Variants in KHDRBS2 observed in about 807,000 individuals in gnomAD.
KHDRBS2 encodes the protein KH domain-containing, RNA-binding, signal transduction-associated protein 2.
Under a neutral mutation model 44.3 loss-of-function variants are expected in KHDRBS2, and 26 were observed. The ratio of observed to expected loss-of-function variants is 0.59; its 90% CI spans 0.43 to 0.81. KHDRBS2 has a LOEUF of 0.81. Ranked by LOEUF, KHDRBS2 falls within the 40% of genes least tolerant of loss-of-function variation. The probability of loss-of-function intolerance (pLI) is 0.00; values close to 1 mark genes in which losing one functional copy is unlikely to be tolerated. For missense variants in KHDRBS2, 476 were observed against 433.1 expected (o/e 1.10, Z -0.88); for synonymous variants, 194 against 151.1 (o/e 1.28, Z -2.08).
chr6:62,064,892 G>A (rs1332824208), intron 2 of KHDRBS2, among the ~76,000 whole-genome samples: 1 of 149,332 alleles, frequency 6.7e-6, no homozygotes, highest in African/African-American at 2.5e-5. Flanking sequence ...TCTGACAAAG[G>A]GCTAATATCC....
chr6:61,546,771 C>A, the KHDRBS2 span, among the ~76,000 whole-genome samples: 1 of 152,106 alleles, frequency 6.6e-6, no homozygotes, highest in Non-Finnish European at 1.5e-5. Context: ...AGTTCAAATA[C>A]CAGCACTCAC....
At chr6:61,595,791 A>G in the KHDRBS2 span, among the ~76,000 whole-genome samples, 1 of 151,798 alleles carries the variant, frequency 6.6e-6, no homozygotes, top group Non-Finnish European at 1.5e-5. Flanking sequence ...ATAAACAAAC[A>G]TATTAATAAC....
intron 4 of KHDRBS2, among the ~76,000 whole-genome samples, chr6:61,963,933 A>G (rs1221417787): frequency 6.6e-6 from 1 of 152,096 alleles, no homozygotes; most frequent in Admixed American, 6.6e-5. Context: ...TAAAGTTTAA[A>G]GGAGCTTTTC....
intron 1 of KHDRBS2, among the ~76,000 whole-genome samples, chr6:62,179,812 A>G (rs1310427255): frequency 6.6e-6 from 1 of 151,836 alleles, no homozygotes; most frequent in Non-Finnish European, 1.5e-5. Context: ...ATGAAATATC[A>G]TTTCCACTGC....
chr6:61,804,947 T>C (rs929851997), intron 6 of KHDRBS2, among the ~76,000 whole-genome samples: 5 of 152,160 alleles, frequency 3.3e-5, no homozygotes, highest in African/African-American at 1.2e-4. Context: ...TGGCTCCTCA[T>C]CCCATATACA....
At chr6:62,170,117 A>G (rs1258453832) in intron 2 of KHDRBS2, among the ~76,000 whole-genome samples, 2 of 151,932 alleles carry the variant, frequency 1.3e-5, no homozygotes, top group East Asian at 3.9e-4. Context: ...GGAAGGCACA[A>G]TCGTGTTCCC....
At chr6:62,074,492 C>T (rs1795936755) in intron 2 of KHDRBS2, among the ~76,000 whole-genome samples, 1 of 151,890 alleles carries the variant, frequency 6.6e-6, no homozygotes. Flanking sequence ...CCTCTCATGT[C>T]TGGCTTTTGA....
At chr6:61,785,359 A>T (rs1783641405) in intron 6 of KHDRBS2, among the ~76,000 whole-genome samples, 1 of 152,136 alleles carries the variant, frequency 6.6e-6, no homozygotes, top group Non-Finnish European at 1.5e-5. Flanking sequence ...TAATATTCCT[A>T]TTTTTTGTAA....
At chr6:62,136,282 T>G (rs1278852378) in intron 2 of KHDRBS2, among the ~76,000 whole-genome samples, 4 of 152,172 alleles carry the variant, frequency 2.6e-5, no homozygotes, top group Admixed American at 6.5e-5. Flanking sequence ...GTTTGTCCAC[T>G]CTTGGTCTAA....
intron 6 of KHDRBS2, among the ~76,000 whole-genome samples, chr6:61,879,900 T>C (rs1035587165): frequency 6.6e-6 from 1 of 151,864 alleles, no homozygotes; most frequent in African/African-American, 2.4e-5. Context: ...ATGTGAAAAT[T>C]TGAAATGTTA....
chr6:61,789,662 C>G (rs567077234), intron 6 of KHDRBS2, among the ~76,000 whole-genome samples: 11 of 151,290 alleles, frequency 7.3e-5, no homozygotes, highest in Non-Finnish European at 1.0e-4. Context: ...AGGAAAGGCC[C>G]TGGTTTGTCG....
intron 1 of KHDRBS2, among the ~76,000 whole-genome samples, chr6:62,269,178 A>G (rs1839680636): frequency 6.6e-6 from 1 of 152,120 alleles, no homozygotes; most frequent in Admixed American, 6.6e-5. Context: ...TAACTCTGTG[A>G]CCTTGATATA....
chr6:62,069,005 C>T (rs1794388368), intron 2 of KHDRBS2, among the ~76,000 whole-genome samples: 1 of 151,400 alleles, frequency 6.6e-6, no homozygotes, highest in African/African-American at 2.4e-5. Context: ...TCATGATTGG[C>T]TTGTAAATTT....
intron 1 of KHDRBS2, among the ~76,000 whole-genome samples, chr6:62,183,793 G>A (rs949675814): frequency 1.3e-5 from 2 of 151,604 alleles, no homozygotes; most frequent in Non-Finnish European, 3.0e-5. Context: ...AGTATTCAAT[G>A]TTTTTGAATT....
intron 3 of KHDRBS2, among the ~76,000 whole-genome samples, chr6:62,012,375 T>C (rs1004082975): frequency 6.6e-6 from 1 of 152,174 alleles, no homozygotes; most frequent in Non-Finnish European, 1.5e-5. Flanking sequence ...TCCTAACAAG[T>C]TACCCTGTAT....
intron 1 of KHDRBS2, among the ~76,000 whole-genome samples, chr6:62,267,386 T>G (rs1017690678): frequency 6.6e-6 from 1 of 152,044 alleles, no homozygotes; most frequent in Non-Finnish European, 1.5e-5. Context: ...CCTCTCAGTT[T>G]TAATGCCAAG....
At chr6:62,103,215 G>T (rs1440043195) in intron 2 of KHDRBS2, among the ~76,000 whole-genome samples, 3 of 152,082 alleles carry the variant, frequency 2.0e-5, no homozygotes, top group Non-Finnish European at 4.4e-5. Context: ...CTTGAAGATG[G>T]GGTTTCACCA....
At chr6:61,576,068 A>G in the KHDRBS2 span, among the ~76,000 whole-genome samples, 2 of 149,192 alleles carry the variant, frequency 1.3e-5, no homozygotes, top group Admixed American at 6.8e-5. Context: ...TTATCCATGT[A>G]ACCAGAAACC....
At chr6:61,845,097 C>T (rs536525699) in intron 6 of KHDRBS2, among the ~76,000 whole-genome samples, 79 of 152,258 alleles carry the variant, frequency 5.2e-4, no homozygotes, top group Admixed American at 5.2e-4. Context: ...GATTTCATGA[C>T]ATATTTTGTT....
Sources: allele counts gnomAD v4.1 joint callset (sites outside exome capture counted in the v4.1 genomes callset), GRCh38; gene constraint gnomAD v4.1.1; transcripts MANE v1.5; gene names NCBI Gene and HGNC (gene_info 2026-07-23, HGNC 2026-07-21).